RELN: variants seen among roughly 807,000 people sequenced by gnomAD.
The protein encoded by RELN is reelin.
A neutral mutation model predicts 427.6 loss-of-function variants in RELN; 108 were observed. That is an observed-to-expected ratio of 0.25 (90% confidence interval 0.22 to 0.30). The LOEUF (loss-of-function observed/expected upper bound fraction) is 0.30. Among genes scored for constraint, RELN ranks in the 10% least tolerant of loss-of-function variants. The pLI is 1.00. For synonymous variants in RELN, 1,524 were observed against 1,513.4 expected, an observed-to-expected ratio of 1.01 and a Z score of -0.16; for missense variants, 3,715 against 4,302.8, an observed-to-expected ratio of 0.86 and a Z score of 3.82.
intron 28 of RELN, among the ~76,000 whole-genome samples, chr7:103,583,524 G>A (rs1215934600): frequency 1.3e-5 from 2 of 152,212 alleles, no homozygotes; most frequent in Admixed American, 6.5e-5. Context: ...TGTGTGAGGC[G>A]ACTTAATAGT....
In RELN at chr7:103,610,748, G is replaced by A; in HGVS notation, c.2955C>T (p.Ala985=). 1 of 1,612,138 alleles carries A rather than the reference G, an allele frequency of 6.2e-7. No individual in the cohort carries two copies. Among genetic ancestry groups the A allele is most frequent in the Non-Finnish European group, 8.5e-7 (1 of 1,178,430 alleles). ...QEFTSASIYH[A]SEFTQWRRVI... ...CTCTCCTCCACTGTGTAAACTCACT[G>A]GCATGGTAAATACTTGCTGATGTAA... is the stretch of plus-strand genomic sequence containing the variant. The change falls in exon 22 of 65, where the codon GCC becomes GCT. Residue 985 remains alanine (A), a synonymous_variant. Transcript: ENST00000428762.
At chr7:103,903,657 T>C (rs763831022) in intron 2 of RELN, among the ~76,000 whole-genome samples, 58 of 151,888 alleles carry the variant, frequency 3.8e-4, no homozygotes, top group Non-Finnish European at 6.6e-4. Context: ...GATGTTCTTT[T>C]TTTTGTTTTT....
chr7:103,478,011 A>T (rs1008199286), intron 64 of RELN, among the ~76,000 whole-genome samples: 1 of 152,140 alleles, frequency 6.6e-6, no homozygotes, highest in Non-Finnish European at 1.5e-5. Context: ...TTTTGCACAC[A>T]TTTCTATTTT....
rs771869485 is a variant in RELN at position 103,483,657 on chromosome 7, G to A, written c.10177C>T (p.Pro3393Ser). 1 of 1,613,904 alleles carries A rather than the reference G, an allele frequency of 6.2e-7. No homozygotes were observed. Among genetic ancestry groups the A allele is most frequent in the Non-Finnish European group, 8.5e-7 (1 of 1,179,942 alleles). Residue 3393 changes from proline to serine, a missense_variant, in exon 62 of 65, where the codon CCC becomes TCC. This residue lies in a region of RELN where 195 missense variants were observed against 281.3 expected (regional missense o/e 0.69). Coordinates refer to ENST00000428762, the MANE Select transcript of RELN (RefSeq NM_005045.4). ...TQAQRVSYNVPLEARMKGVLL... is the reference protein window; with the variant it reads ...TQAQRVSYNVSLEARMKGVLL... ...CTTTCCATTTGGGCCACTTACAGGG[G>A]GACATTGTAAGACACTCTCTGAGCT...
intron 15 of RELN, 56 bp downstream of exon 15, chr7:103,651,605 T>G (rs1832915045): frequency 5.1e-6 from 8 of 1,570,424 alleles, no homozygotes; most frequent in Non-Finnish European, 7.0e-6. Flanking sequence ...ACTCATTGAT[T>G]TTTATTCTGC....
intron 57 of RELN, 93 bp downstream of exon 57, chr7:103,495,630 C>G: frequency 8.6e-7 from 1 of 1,165,136 alleles, no homozygotes. Flanking sequence ...TGAATAATAT[C>G]AGTCATTTCC....
intron 49 of RELN, among the ~76,000 whole-genome samples, chr7:103,517,285 C>T (rs956980739): frequency 6.6e-6 from 1 of 151,690 alleles, no homozygotes; most frequent in Non-Finnish European, 1.5e-5. Context: ...GGGGGACACA[C>T]AATCGCACTT....
chr7:103,595,120 A>G (rs536047572), intron 25 of RELN, among the ~76,000 whole-genome samples: 7 of 152,234 alleles, frequency 4.6e-5, no homozygotes, highest in African/African-American at 7.2e-5. Flanking sequence ...TTTTCATCAC[A>G]AAGACATGCT....
At chr7:103,540,547 CGAA>C in intron 43 of RELN, 92 bp from the exon 44 acceptor site, 1 of 1,152,162 alleles carries the variant, frequency 8.7e-7, no homozygotes, top group Non-Finnish European at 1.3e-6. Context: ...TGCAGGGGAA[CGAA>C]AGGCCTCAAT....
chr7:103,830,403 T>C (rs1040547614), intron 3 of RELN, among the ~76,000 whole-genome samples: 7 of 151,954 alleles, frequency 4.6e-5, no homozygotes, highest in African/African-American at 1.7e-4. Flanking sequence ...CATATAAGCA[T>C]GGCTAAAGTT....
chr7:103,926,777 T>C (rs1795752548), intron 1 of RELN, among the ~76,000 whole-genome samples: 1 of 151,990 alleles, frequency 6.6e-6, no homozygotes, highest in Non-Finnish European at 1.5e-5. Context: ...CCCGAGTAGC[T>C]CGGATTACAG....
Position 103,551,618 on chromosome 7 carries a change from C to A in RELN, c.6073-322G>T, listed in dbSNP as rs7793133. On this transcript the variant is annotated intron_variant, in intron 40 of 64. Coordinates refer to ENST00000428762, the MANE Select transcript of RELN (RefSeq NM_005045.4). ...TTTCCTAGCCAAGCCAAGTAAATCACAGTGAAAAGACTGTTTCCCTAATCC... is the reference window on the plus strand; with the variant it reads ...TTTCCTAGCCAAGCCAAGTAAATCAAAGTGAAAAGACTGTTTCCCTAATCC... 0.095 allele frequency among the ~76,000 whole-genome samples: 14,455 copies of A among 152,116 alleles called. 709 individuals carry two copies. The highest frequency in any genetic ancestry group is 0.15 in the Middle Eastern group (45 of 294).
intron 2 of RELN, among the ~76,000 whole-genome samples, chr7:103,881,723 G>A (rs149360674): frequency 2.6e-4 from 39 of 152,114 alleles, no homozygotes; most frequent in Non-Finnish European, 4.9e-4. Flanking sequence ...ACGTCATCTC[G>A]GATGTTCCAC....
At chr7:103,619,179 G>T (rs945874550) in intron 20 of RELN, among the ~76,000 whole-genome samples, 1 of 152,092 alleles carries the variant, frequency 6.6e-6, no homozygotes, top group East Asian at 1.9e-4. Flanking sequence ...CAAATTGGGT[G>T]CTTAGTGGCA....
chr7:103,985,154 T>C (rs1797070709), intron 1 of RELN, among the ~76,000 whole-genome samples: 1 of 152,208 alleles, frequency 6.6e-6, no homozygotes, highest in Non-Finnish European at 1.5e-5. Context: ...CAGTATAATT[T>C]TTTTTTAAAG....
At chr7:103,793,541 C>T (rs1792219343) in intron 3 of RELN, among the ~76,000 whole-genome samples, 1 of 152,146 alleles carries the variant, frequency 6.6e-6, no homozygotes, top group Non-Finnish European at 1.5e-5. Context: ...GCTAAGCATC[C>T]AGGTGATAGT....
intron 1 of RELN, among the ~76,000 whole-genome samples, chr7:103,947,866 A>G (rs1484351851): frequency 6.6e-6 from 1 of 152,228 alleles, no homozygotes; most frequent in Non-Finnish European, 1.5e-5. Flanking sequence ...TATAGTTGCA[A>G]TGGCATTTGT....
chr7:103,701,721 T>C (rs112422818), intron 8 of RELN, among the ~76,000 whole-genome samples: 11 of 152,162 alleles, frequency 7.2e-5, no homozygotes, highest in African/African-American at 2.2e-4. Flanking sequence ...TGACTACAAT[T>C]TCAAAGCTCT....
In RELN at chr7:103,596,396, A is replaced by G. The variant is rs1831537203; in HGVS notation, c.3539+60T>C. On this transcript the variant is annotated intron_variant, in intron 25 of 64. Transcript: ENST00000428762. ...GTTAACATTTTGGAAACACATCAAC[A>G]ATGATTTAACCTTTACCATTCCTGG... The G allele has an allele frequency of 4.2e-6, 6 of 1,441,632 alleles. No homozygotes were observed. In the Admixed American group the frequency reaches 1.0e-4, roughly 24 times the overall value. The allele number at this position is 1,441,632 out of a possible 1,614,324, so 89.3% of individuals were successfully genotyped here. A position where few individuals can be genotyped will look rare whatever the true frequency, so the allele number is the denominator to read the frequency against.
Sources: gnomAD v4.1 joint callset for allele counts (sites outside exome capture counted in the v4.1 genomes callset) on GRCh38, gnomAD v4.1.1 for gene constraint, gnomAD v4.1.1 regional missense constraint, MANE v1.5 for transcripts, NCBI Gene and HGNC (gene_info 2026-07-23, HGNC 2026-07-21) for gene names.